Variants in SLC4A4 observed in about 807,000 individuals in gnomAD.
SLC4A4 encodes solute carrier family 4 member 4.
SLC4A4 carries 27 observed loss-of-function variants against 111.5 expected under a neutral mutation model. The ratio of observed to expected loss-of-function variants is 0.24; its 90% CI spans 0.18 to 0.33. The LOEUF is 0.33. Among genes scored for constraint, SLC4A4 ranks in the 10% least tolerant of loss-of-function variants. The pLI is 1.00. For synonymous variants in SLC4A4, 443 were observed against 463.4 expected (o/e 0.96, Z 0.57); for missense variants, 909 against 1,315.5 (o/e 0.69, Z 4.78).
chr4:71,569,606 A>T lies in SLC4A4; in HGVS notation c.*1855A>T, dbSNP rs992185028. 1 of 151,754 alleles carries T rather than the reference A, an allele frequency of 6.6e-6. No individual in the cohort carries two copies. Among genetic ancestry groups the T allele is most frequent in the Non-Finnish European group, 1.5e-5 (1 of 67,798 alleles). 9.4% of individuals were successfully genotyped at this position (151,754 alleles called of 1,614,324 possible). ...ATGTTAAAATTATAATTTCAGATTC[A>T]TATAACCACAACTGTGATATATCCT... On this transcript the variant is annotated 3_prime_UTR_variant, in exon 26 of 26. Transcript: ENST00000264485.
chr4:71,271,697 A>G (rs1256340541), intron 3 of SLC4A4, among the ~76,000 whole-genome samples: 1 of 152,224 alleles, frequency 6.6e-6, no homozygotes, highest in Admixed American at 6.5e-5. Flanking sequence ...GCTTGAGGCC[A>G]TAGATAAGGA....
intron 1 of SLC4A4, among the ~76,000 whole-genome samples, chr4:71,195,357 CAT>C (rs78442787): frequency 0.12 from 18,146 of 149,128 alleles, 1,760 homozygotes; most frequent in African/African-American, 0.25. Flanking sequence ...TTCAGAATAA[CAT>C]AAGTCAGTCT....
intron 3 of SLC4A4, among the ~76,000 whole-genome samples, chr4:71,321,197 T>C (rs1480724454): frequency 6.6e-6 from 1 of 152,048 alleles, no homozygotes; most frequent in East Asian, 1.9e-4. Context: ...TTAAGTGATA[T>C]GAATAATTTA....
At chr4:71,384,540 A>G (rs1438146350) in intron 6 of SLC4A4, among the ~76,000 whole-genome samples, 1 of 151,604 alleles carries the variant, frequency 6.6e-6, no homozygotes, top group Non-Finnish European at 1.5e-5. Flanking sequence ...CTGTAAATCT[A>G]GAGCAGTGAG....
At chr4:71,282,420 G>T (rs1156568695) in intron 3 of SLC4A4, among the ~76,000 whole-genome samples, 2 of 151,734 alleles carry the variant, frequency 1.3e-5, no homozygotes, top group African/African-American at 4.8e-5. Context: ...TGAGTAGCTG[G>T]GATTACAGGC....
At chr4:71,443,412 A>C (rs1282736371) in intron 8 of SLC4A4, among the ~76,000 whole-genome samples, 1 of 151,870 alleles carries the variant, frequency 6.6e-6, no homozygotes, top group East Asian at 1.9e-4. Flanking sequence ...GGCCTCCCAA[A>C]GTGCTGGGAT....
intron 3 of SLC4A4, among the ~76,000 whole-genome samples, chr4:71,321,375 A>T (rs1293835372): frequency 1.3e-5 from 2 of 151,992 alleles, no homozygotes; most frequent in African/African-American, 4.8e-5. Flanking sequence ...ACTTGTGTTT[A>T]TATTTAGACT....
intron 8 of SLC4A4, among the ~76,000 whole-genome samples, chr4:71,445,763 A>G (rs1157854808): frequency 6.6e-6 from 1 of 152,218 alleles, no homozygotes; most frequent in East Asian, 1.9e-4. Flanking sequence ...TTTAATCATT[A>G]AATATATTTT....
chr4:71,106,134 A>G (rs1742911051), intron 2 of SLC4A4, among the ~76,000 whole-genome samples: 2 of 151,656 alleles, frequency 1.3e-5, no homozygotes, highest in Non-Finnish European at 2.9e-5. Flanking sequence ...ACACTTCTCA[A>G]AAGAAGACAT....
rs114064761 is a variant in SLC4A4, at chr4:71,140,791, A to G, written c.-2+47999A>G. On this transcript the variant is annotated intron_variant, in intron 2 of 26. Transcript: ENST00000649996. ...CACTTCTCATCACCTCCACTGCTAC[A>G]CCTGTCATTCAAGATACCACCTATC... Among the ~76,000 whole-genome samples, 553 of 152,246 alleles carry G rather than the reference A, an allele frequency of 3.6e-3. 2 individuals are homozygous for G. The highest frequency in any genetic ancestry group is 0.013 in the African/African-American group (530 of 41,562).
chr4:71,389,120 C>T (rs1719034520), intron 6 of SLC4A4, among the ~76,000 whole-genome samples: 1 of 152,090 alleles, frequency 6.6e-6, no homozygotes, highest in Non-Finnish European at 1.5e-5. Flanking sequence ...CTGTAGATAA[C>T]AAAGGTCCCA....
Position 71,487,167 on chromosome 4 carries a change from A to G in SLC4A4, c.1974+149A>G, listed in dbSNP as rs545802433. On this transcript the variant is annotated intron_variant, in intron 15 of 25. Coordinates refer to ENST00000264485, the MANE Select transcript of SLC4A4 (RefSeq NM_001098484.3). ...ATTATTGACAGTGGAGGGACGGGAA[A>G]AAAAAAAGCCACTTTCCTTTGCTCT... 1,581 of 522,264 alleles carry G rather than the reference A, an allele frequency of 3.0e-3. 12 individuals are homozygous for G. The highest frequency in any genetic ancestry group is 0.013 in the South Asian group (430 of 33,032). 32.4% of individuals were successfully genotyped at this position (522,264 alleles called of 1,614,324 possible).
intron 3 of SLC4A4, among the ~76,000 whole-genome samples, chr4:71,283,978 A>T (rs1421743891): frequency 6.6e-6 from 1 of 152,206 alleles, no homozygotes; most frequent in Non-Finnish European, 1.5e-5. Context: ...TTCAGGAATA[A>T]AGTCATTTTT....
intron 8 of SLC4A4, among the ~76,000 whole-genome samples, chr4:71,443,494 T>C (rs1724959099): frequency 6.6e-6 from 1 of 152,060 alleles, no homozygotes; most frequent in African/African-American, 2.4e-5. Flanking sequence ...GTTCTTCTTA[T>C]ACCATTTTGC....
In SLC4A4 at chr4:71,459,796, G is replaced by A. The variant is rs190465524; in HGVS notation, c.1497+6127G>A. ...TCATATGTCTACCAATAACGGACAA[G>A]GATGTCCACTTGCTTATACCCTTGT... On this transcript the variant is annotated intron_variant, in intron 12 of 25. Transcript: ENST00000264485. Among the ~76,000 whole-genome samples the A allele has an allele frequency of 1.4e-3, 208 of 152,154 alleles. 2 individuals are homozygous for A. Among genetic ancestry groups the A allele is most frequent in the Non-Finnish European group, 2.2e-3 (148 of 67,948 alleles).
intron 4 of SLC4A4, among the ~76,000 whole-genome samples, chr4:71,342,529 A>G (rs1190776055): frequency 2.0e-5 from 3 of 152,146 alleles, no homozygotes; most frequent in East Asian, 3.9e-4. Flanking sequence ...CCCTAACATT[A>G]TATATATTTC....
intron 1 of SLC4A4, among the ~76,000 whole-genome samples, chr4:71,231,107 G>C (rs1719393719): frequency 6.6e-6 from 1 of 152,212 alleles, no homozygotes; most frequent in African/African-American, 2.4e-5. Context: ...TGGGAGAAGG[G>C]AGGTGGGAGG....
In SLC4A4 at chr4:71,111,901, T is replaced by C. The variant is rs370168314; in HGVS notation, c.-2+19109T>C. ...TAGTAGAAACAGGGTTTCACCATGT[T>C]GGCCAGGCTGGTCTTGAACTCCTGC... On this transcript the variant is annotated intron_variant, in intron 2 of 26. Transcript: ENST00000649996. Among the ~76,000 whole-genome samples the C allele has an allele frequency of 5.9e-5, 9 of 151,990 alleles. 1 individual carries two copies. In the East Asian group the frequency reaches 1.4e-3, roughly 23 times the overall value.
chr4:71,175,675 G>C (rs990765564), intron 2 of SLC4A4, among the ~76,000 whole-genome samples: 1 of 152,224 alleles, frequency 6.6e-6, no homozygotes, highest in Non-Finnish European at 1.5e-5. Context: ...AAACAAAGCA[G>C]TCAGGAAGCT....
Sources: allele counts gnomAD v4.1 joint callset (sites outside exome capture counted in the v4.1 genomes callset), GRCh38; gene constraint gnomAD v4.1.1; transcripts MANE v1.5; gene names NCBI Gene and HGNC (gene_info 2026-07-23, HGNC 2026-07-21).